The following NAV3 variants were observed in gnomAD, a reference collection of about 807,000 sequenced individuals.
NAV3 encodes neuron navigator 3.
In NAV3, 87 loss-of-function variants were observed where a neutral mutation model predicts 244.7. The observed-to-expected ratio is 0.36, with a 90% CI of 0.30 to 0.42. The LOEUF is 0.42. Among genes scored for constraint, NAV3 ranks in the 20% least tolerant of loss-of-function variants. The pLI is 1.00. For missense variants in NAV3, 2,663 were observed against 2,893.3 expected (o/e 0.92, Z 1.83); for synonymous variants, 1,126 against 1,042.2 (o/e 1.08, Z -1.55).
chr12:77,617,008 G>C (rs1158569011), intron 2 of NAV3, among the ~76,000 whole-genome samples: 1 of 152,120 alleles, frequency 6.6e-6, no homozygotes, highest in Non-Finnish European at 1.5e-5. Flanking sequence ...ATACTAAATA[G>C]TCACTTATCT....
intron 5 of NAV3, among the ~76,000 whole-genome samples, chr12:77,983,892 T>C (rs1870009080): frequency 6.6e-6 from 1 of 152,228 alleles, no homozygotes; most frequent in African/African-American, 2.4e-5. Flanking sequence ...GGAATCTAGA[T>C]ACAAATGAAA....
chr12:77,760,108 A>C (rs1264973967), intron 2 of NAV3, among the ~76,000 whole-genome samples: 1 of 152,222 alleles, frequency 6.6e-6, no homozygotes, highest in Admixed American at 6.5e-5. Context: ...AATATGCTTG[A>C]TATTTTGAAT....
chr12:77,727,556 G>A (rs1876932610), intron 2 of NAV3, among the ~76,000 whole-genome samples: 1 of 151,936 alleles, frequency 6.6e-6, no homozygotes, highest in Admixed American at 6.6e-5. Context: ...ACAGATTTAA[G>A]GAAGCGTATT....
chr12:78,184,457 A>G (rs1319773797), intron 30 of NAV3, among the ~76,000 whole-genome samples: 1 of 151,836 alleles, frequency 6.6e-6, no homozygotes, highest in African/African-American at 2.4e-5. Context: ...TTAACTTGGG[A>G]AAATAATTAA....
intron 12 of NAV3, among the ~76,000 whole-genome samples, chr12:78,065,001 T>C (rs1013222124): frequency 2.0e-5 from 3 of 152,082 alleles, no homozygotes; most frequent in South Asian, 2.1e-4. Flanking sequence ...GTAAGATCAA[T>C]AGATACAGTT....
At chr12:78,090,582 T>G (rs1953873964) in intron 12 of NAV3, among the ~76,000 whole-genome samples, 1 of 152,150 alleles carries the variant, frequency 6.6e-6, no homozygotes. Context: ...AAATAGAACC[T>G]TATTGCCAGT....
Position 78,105,236 on chromosome 12 carries a change from G to A in NAV3, c.2637-11536G>A, listed in dbSNP as rs529826439. ...TCCTTATTAGCATTTTATTATTGTG[G>A]TTGAATGACTGTACTGTACAGCCAG... On this transcript the variant is annotated intron_variant, in intron 12 of 39. Coordinates refer to ENST00000397909, the MANE Select transcript of NAV3 (RefSeq NM_001024383.2). 5.9e-4 allele frequency among the ~76,000 whole-genome samples: 90 copies of A among 152,122 alleles called. No homozygotes were observed. In the Middle Eastern group the frequency reaches 0.01, roughly 17 times the overall value.
intron 2 of NAV3, among the ~76,000 whole-genome samples, chr12:77,739,561 A>G (rs1868290370): frequency 6.6e-6 from 1 of 152,176 alleles, no homozygotes; most frequent in Non-Finnish European, 1.5e-5. Flanking sequence ...ATAACAAGAA[A>G]ACAGTTTTTA....
chr12:77,742,512 AAAAT>A (rs148741139), intron 2 of NAV3, among the ~76,000 whole-genome samples: 2,644 of 152,208 alleles, frequency 0.017, 85 homozygotes, highest in African/African-American at 0.06. Flanking sequence ...AATATCAAAA[AAAAT>A]AAGAAAGAGT....
chr12:78,148,758 C>T, intron 21 of NAV3, 84 bp from the exon 22 acceptor site: 2 of 1,207,018 alleles, frequency 1.7e-6, no homozygotes. Flanking sequence ...GAGCTAAATA[C>T]AGCATTTGCT....
At chr12:77,715,528 A>G (rs1322037096) in intron 2 of NAV3, among the ~76,000 whole-genome samples, 1 of 152,022 alleles carries the variant, frequency 6.6e-6, no homozygotes, top group African/African-American at 2.4e-5. Flanking sequence ...TGGATAAAAT[A>G]TAATTTTTAC....
At chr12:77,609,013 T>G (rs1376848470) in intron 2 of NAV3, among the ~76,000 whole-genome samples, 1 of 152,100 alleles carries the variant, frequency 6.6e-6, no homozygotes, top group African/African-American at 2.4e-5. Flanking sequence ...TTTTATTTGG[T>G]GTCCCTACCT....
At chr12:77,723,261 C>T (rs979914159) in intron 2 of NAV3, among the ~76,000 whole-genome samples, 2 of 99,332 alleles carry the variant, frequency 2.0e-5, no homozygotes, top group Non-Finnish European at 5.3e-5. Flanking sequence ...GAAGTGACTG[C>T]GAATAAAGTA....
intron 23 of NAV3, among the ~76,000 whole-genome samples, chr12:78,162,858 T>C (rs1474257101): frequency 8.8e-6 from 1 of 113,628 alleles, no homozygotes; most frequent in African/African-American, 3.4e-5. Context: ...CAAGACTCTG[T>C]CTCAAAAAAA....
At chr12:77,636,800 C>A (rs184635714) in intron 2 of NAV3, among the ~76,000 whole-genome samples, 1 of 152,240 alleles carries the variant, frequency 6.6e-6, no homozygotes, top group Admixed American at 6.5e-5. Flanking sequence ...ACATAGAGTA[C>A]TATGCAGCCA....
chr12:78,066,054 G>A (rs1884982918), intron 12 of NAV3, among the ~76,000 whole-genome samples: 2 of 152,242 alleles, frequency 1.3e-5, no homozygotes, highest in Middle Eastern at 3.4e-3. Context: ...GATCACAAGA[G>A]TGGAGCTCTC....
chr12:77,762,656 G>A (rs1368676267), intron 2 of NAV3, among the ~76,000 whole-genome samples: 1 of 152,012 alleles, frequency 6.6e-6, no homozygotes, highest in East Asian at 1.9e-4. Flanking sequence ...AACAGGGATC[G>A]TTGTTATAAA....
At chr12:78,079,488 G>A (rs1187465459) in intron 12 of NAV3, among the ~76,000 whole-genome samples, 1 of 151,962 alleles carries the variant, frequency 6.6e-6, no homozygotes, top group Non-Finnish European at 1.5e-5. Context: ...TTTGGTATTT[G>A]ATATCTGTTT....
chr12:78,184,958 G>A (rs1460967334), intron 30 of NAV3, among the ~76,000 whole-genome samples: 1 of 151,680 alleles, frequency 6.6e-6, no homozygotes, highest in Non-Finnish European at 1.5e-5. Flanking sequence ...ATATTTTAAA[G>A]GTAGCTAACT....
Sources: allele counts gnomAD v4.1 joint callset (sites outside exome capture counted in the v4.1 genomes callset), GRCh38; gene constraint gnomAD v4.1.1; transcripts MANE v1.5; gene names NCBI Gene and HGNC (gene_info 2026-07-23, HGNC 2026-07-21).